The following C16orf46 variants were observed in gnomAD, a reference collection of about 807,000 sequenced individuals.
C16orf46 encodes uncharacterized protein C16orf46.
In C16orf46, 7 loss-of-function variants were observed where a neutral mutation model predicts 5.5. That is an observed-to-expected ratio of 1.28 (90% CI 0.73 to 2.40). The LOEUF (loss-of-function observed/expected upper bound fraction) is 2.40. Among genes scored for constraint, C16orf46 ranks in the 30% most tolerant of loss-of-function variants. The probability of loss-of-function intolerance (pLI) is 0.00; values close to 1 mark genes in which losing one functional copy is unlikely to be tolerated. For missense variants in C16orf46, 614 were observed against 476.0 expected (o/e 1.29, Z -2.70); for synonymous variants, 200 against 184.1 (o/e 1.09, Z -0.70).
At chr16:81,069,271 A>G (rs1256340453) in intron 1 of C16orf46, among the ~76,000 whole-genome samples, 1 of 152,152 alleles carries the variant, frequency 6.6e-6, no homozygotes, top group Non-Finnish European at 1.5e-5. Context: ...CTGCAGTAAC[A>G]AGCAGCCCTA....
chr16:81,054,201 G>A, intron 3 of C16orf46: 1 of 1,037,100 alleles, frequency 9.6e-7, no homozygotes, highest in Non-Finnish European at 1.5e-6. Context: ...ATTCAACCAT[G>A]AAGACTGCCC....
intron 2 of C16orf46, 33 bp from the exon 3 acceptor site, chr16:81,064,026 A>C (rs1043607170): frequency 4.0e-5 from 47 of 1,176,090 alleles, no homozygotes; most frequent in Non-Finnish European, 5.4e-5. Flanking sequence ...CTTCGTTTTT[A>C]ATATTAATTT....
chr16:81,061,313 A>T lies in C16orf46; in HGVS notation c.1036T>A (p.Ser346Thr). ...KSKFKAKEPR[S>T]PVITRKHVLP... ...ACATGCTTTCGGGTGATCACAGGAGATCTTGGCTCCTTGGCTTTGAATTTG... is the reference window on the plus strand; with the variant it reads ...ACATGCTTTCGGGTGATCACAGGAGTTCTTGGCTCCTTGGCTTTGAATTTG... Residue 346 changes from serine (S) to threonine (T), a missense_variant, in exon 4 of 4, where the codon TCT (serine) becomes ACT (threonine). Physicochemically the swap from Ser to Thr is moderately conservative, Grantham distance 58. Transcript: ENST00000299578. 6.2e-7 allele frequency: 1 copy of T among 1,613,952 alleles called. No homozygotes were observed.
chr16:81,070,756 C>T (rs998445763), intron 1 of C16orf46, among the ~76,000 whole-genome samples: 5 of 152,124 alleles, frequency 3.3e-5, no homozygotes, highest in African/African-American at 4.8e-5. Flanking sequence ...GGCATGGTCT[C>T]GGCTCACTGC....
chr16:81,074,583 C>G (rs555975825), intron 1 of C16orf46, among the ~76,000 whole-genome samples: 1 of 152,204 alleles, frequency 6.6e-6, no homozygotes, highest in South Asian at 2.1e-4. Context: ...CAGGGTTTCA[C>G]CATGTTGGCT....
rs141200189 is a variant in C16orf46, at chr16:81,064,309, A to G, written c.-38-316T>C. On this transcript the variant is annotated intron_variant, in intron 2 of 3. Coordinates refer to ENST00000299578, the MANE Select transcript of C16orf46 (RefSeq NM_152337.3). ...AACCCAGGAAGCAGAGGTTTCAGTG[A>G]GCTGAGATTGGCCACTGCACTCCAG... 2.3e-3 allele frequency among the ~76,000 whole-genome samples: 354 copies of G among 150,954 alleles called. 3 individuals carry two copies. Among genetic ancestry groups the G allele is most frequent in the African/African-American group, 8.0e-3 (327 of 41,130 alleles).
chr16:81,065,064 C>G (rs758572052), intron 2 of C16orf46, among the ~76,000 whole-genome samples: 1 of 152,160 alleles, frequency 6.6e-6, no homozygotes, highest in African/African-American at 2.4e-5. Context: ...GACAAAGGGT[C>G]TGCAAAGTTG....
At chr16:81,068,126 A>G (rs1021702741) in intron 1 of C16orf46, among the ~76,000 whole-genome samples, 1 of 152,244 alleles carries the variant, frequency 6.6e-6, no homozygotes, top group Non-Finnish European at 1.5e-5. Context: ...TAATTTGTTA[A>G]TGAACTGAGA....
At chr16:81,071,098 C>G (rs1330253837) in intron 1 of C16orf46, among the ~76,000 whole-genome samples, 3 of 152,166 alleles carry the variant, frequency 2.0e-5, no homozygotes, top group Non-Finnish European at 4.4e-5. Flanking sequence ...GCCAATCAGA[C>G]AGCGGCGATA....
rs139640227 is a variant in C16orf46, at chr16:81,061,956, G to T, written c.393C>A (p.Ser131=). ...GGPEKDQSSP[S]QTQAAPQGPS... Reference sequence around the variant, plus strand: ...GGCCCTGGGGGGCTGCCTGAGTCTGGGAGGGGCTGCTCTGATCCTTCTCTG... The same window carrying T: ...GGCCCTGGGGGGCTGCCTGAGTCTGTGAGGGGCTGCTCTGATCCTTCTCTG... Residue 131 remains serine, a synonymous_variant, in exon 4 of 4, where the codon TCC becomes TCA. Coordinates refer to ENST00000299578, the MANE Select transcript of C16orf46 (RefSeq NM_152337.3). 21 of 1,614,072 alleles carry T rather than the reference G, an allele frequency of 1.3e-5. No homozygotes were observed. In the African/African-American group the frequency reaches 2.7e-4, roughly 21 times the overall value.
At chr16:81,071,253 ATGGG>A (rs1316431426) in intron 1 of C16orf46, among the ~76,000 whole-genome samples, 1 of 152,184 alleles carries the variant, frequency 6.6e-6, no homozygotes, top group African/African-American at 2.4e-5. Context: ...TCCCAGTGTC[ATGGG>A]GAAGCTCCAA....
intron 1 of C16orf46, among the ~76,000 whole-genome samples, chr16:81,075,493 G>T (rs55939311): frequency 6.6e-6 from 1 of 152,222 alleles, no homozygotes; most frequent in South Asian, 2.1e-4. Flanking sequence ...GGAAGGCAGA[G>T]GCAGGAGAAT....
intron 1 of C16orf46, among the ~76,000 whole-genome samples, chr16:81,075,302 C>T (rs565925700): frequency 3.3e-5 from 5 of 151,192 alleles, no homozygotes; most frequent in Admixed American, 6.6e-5. Context: ...ATAAAGAATA[C>T]ATTCTGGCCA....
downstream of C16orf46, among the ~76,000 whole-genome samples, chr16:81,060,248 T>G (rs1971423827): frequency 6.6e-6 from 1 of 152,124 alleles, no homozygotes; most frequent in South Asian, 2.1e-4. Context: ...AATCTGAGGG[T>G]GTGACACCCT....
chr16:81,071,543 T>G (rs1251846532), intron 1 of C16orf46, among the ~76,000 whole-genome samples: 2 of 152,098 alleles, frequency 1.3e-5, no homozygotes, highest in Non-Finnish European at 2.9e-5. Context: ...GCTCAAGAAT[T>G]TGACAACAGC....
chr16:81,064,096 ATGG>A (rs1474860638), intron 2 of C16orf46, 103 bp from the exon 3 acceptor site: 3 of 649,310 alleles, frequency 4.6e-6, no homozygotes, highest in Non-Finnish European at 7.6e-6. Context: ...ATTCAGGAAT[ATGG>A]CCGGCCGCGG....
downstream of C16orf46, among the ~76,000 whole-genome samples, chr16:81,058,979 G>A (rs557259805): frequency 5.3e-5 from 8 of 152,250 alleles, no homozygotes; most frequent in African/African-American, 1.7e-4. Context: ...TGGGTTAGAA[G>A]AGGAAAATGA....
intron 3 of C16orf46, 37 bp downstream of exon 3, chr16:81,063,709 G>A (rs745306788): frequency 7.1e-6 from 11 of 1,548,400 alleles, no homozygotes; most frequent in African/African-American, 5.5e-5. Context: ...ACTGATGTGC[G>A]AGAGACAGAA....
At chr16:81,066,712 C>G (rs781134874) in intron 1 of C16orf46, among the ~76,000 whole-genome samples, 2 of 152,208 alleles carry the variant, frequency 1.3e-5, no homozygotes, top group African/African-American at 4.8e-5. Context: ...TTATGCCTGA[C>G]TTACACATTT....
Sources: allele counts gnomAD v4.1 joint callset (sites outside exome capture counted in the v4.1 genomes callset), GRCh38; gene constraint gnomAD v4.1.1; transcripts MANE v1.5; gene names NCBI Gene and HGNC (gene_info 2026-07-23, HGNC 2026-07-21).